FSTL4: variants seen among roughly 807,000 people sequenced by gnomAD.
FSTL4 encodes follistatin-related protein 4.
A neutral mutation model predicts 78.2 loss-of-function variants in FSTL4; 28 were observed. That is an observed-to-expected ratio of 0.36 (90% CI 0.27 to 0.49). FSTL4 has a LOEUF of 0.49. Among genes scored for constraint, FSTL4 ranks in the 20% least tolerant of loss-of-function variants. The pLI, the probability that FSTL4 is intolerant of heterozygous loss-of-function variation, is 0.98. For missense variants in FSTL4, 922 were observed against 1,084.9 expected (o/e 0.85, Z 2.11); for synonymous variants, 422 against 440.5 (o/e 0.96, Z 0.53).
the FSTL4 span, among the ~76,000 whole-genome samples, chr5:133,676,704 T>C: frequency 1.3e-5 from 2 of 152,260 alleles, no homozygotes; most frequent in Non-Finnish European, 2.9e-5. Context: ...ATTGCTCTTT[T>C]GGCCTTCTTA....
In FSTL4 at chr5:133,516,935, T is replaced by C. The variant is rs112066106; in HGVS notation, c.160+50251A>G. 3.9e-3 allele frequency among the ~76,000 whole-genome samples: 590 copies of C among 152,254 alleles called. 1 individual carries two copies. Among genetic ancestry groups the C allele is most frequent in the South Asian group, 7.9e-3 (38 of 4,824 alleles). On this transcript the variant is annotated intron_variant, in intron 3 of 15. Transcript: ENST00000265342. ...TAATTAAATCAAATCTCTGCCTCTC[T>C]GCCTTGAGGCTGGGCTCCTATAATC...
chr5:133,681,383 T>C, the FSTL4 span, among the ~76,000 whole-genome samples: 1 of 152,230 alleles, frequency 6.6e-6, no homozygotes, highest in Admixed American at 6.5e-5. Flanking sequence ...ACAGCCCTTC[T>C]TCACTCCAAC....
At chr5:133,325,765 G>A (rs1754195502) in intron 4 of FSTL4, among the ~76,000 whole-genome samples, 1 of 148,462 alleles carries the variant, frequency 6.7e-6, no homozygotes, top group African/African-American at 2.5e-5. Flanking sequence ...GGTGGCTAGA[G>A]CTCAGATCCC....
chr5:133,461,242 G>A (rs1757586066), intron 3 of FSTL4, among the ~76,000 whole-genome samples: 1 of 152,120 alleles, frequency 6.6e-6, no homozygotes, highest in Admixed American at 6.5e-5. Context: ...ACCCTAACTA[G>A]CATGGGTTTC....
chr5:133,300,557 G>A lies in FSTL4; in HGVS notation c.727+12097C>T, dbSNP rs547110834. Among the ~76,000 whole-genome samples, 6 of 152,290 alleles carry A rather than the reference G, an allele frequency of 3.9e-5. No homozygotes were observed. In the East Asian group the frequency reaches 5.8e-4, roughly 15 times the overall value. On this transcript the variant is annotated intron_variant, in intron 6 of 15. Transcript: ENST00000265342. ...CCTGGGGCTTCCTGCGAGCTCCTCC[G>A]AAGGCTGTCAGCCTTCACCAAGGTG...
At chr5:133,549,528 T>C (rs899364978) in intron 3 of FSTL4, among the ~76,000 whole-genome samples, 1 of 152,230 alleles carries the variant, frequency 6.6e-6, no homozygotes, top group Non-Finnish European at 1.5e-5. Flanking sequence ...AATTCTATTA[T>C]CTGGTCTTCA....
intron 6 of FSTL4, among the ~76,000 whole-genome samples, chr5:133,259,188 G>T (rs1481809045): frequency 6.8e-6 from 1 of 147,462 alleles, no homozygotes; most frequent in Non-Finnish European, 1.5e-5. Context: ...TGTGGGGGGT[G>T]GGTGCTGGTG....
chr5:133,276,189 T>C (rs1752878759), intron 6 of FSTL4, among the ~76,000 whole-genome samples: 1 of 152,214 alleles, frequency 6.6e-6, no homozygotes. Context: ...GAAATACATC[T>C]CTTGTCCCCC....
At chr5:133,411,552 TAAAG>T (rs1277420463) in intron 3 of FSTL4, among the ~76,000 whole-genome samples, 2 of 151,968 alleles carry the variant, frequency 1.3e-5, no homozygotes, top group Non-Finnish European at 2.9e-5. Flanking sequence ...AAAATAGAAA[TAAAG>T]AAAGTCTTAA....
chr5:133,297,418 T>C (rs572841732), intron 6 of FSTL4, among the ~76,000 whole-genome samples: 30 of 152,274 alleles, frequency 2.0e-4, no homozygotes, highest in African/African-American at 7.2e-4. Flanking sequence ...TCAGATGTGC[T>C]GATGGAGTGC....
At chr5:133,668,681 C>T in the FSTL4 span, among the ~76,000 whole-genome samples, 125 of 152,230 alleles carry the variant, frequency 8.2e-4, 1 homozygote, top group Non-Finnish European at 1.4e-3. Context: ...GACATTTGGG[C>T]CCCTTTTGGA....
At chr5:133,609,877 T>C (rs1460467095) in intron 1 of FSTL4, among the ~76,000 whole-genome samples, 3 of 152,238 alleles carry the variant, frequency 2.0e-5, no homozygotes, top group East Asian at 1.9e-4. Flanking sequence ...CCTTATGTTA[T>C]GCATTGAGAC....
chr5:133,819,587 C>T, the FSTL4 span, among the ~76,000 whole-genome samples: 8 of 152,174 alleles, frequency 5.3e-5, no homozygotes. Flanking sequence ...CTCATAGCAC[C>T]GTTGGAGGCG....
At chr5:133,492,715 TA>T (rs1758290755) in intron 3 of FSTL4, among the ~76,000 whole-genome samples, 2 of 152,236 alleles carry the variant, frequency 1.3e-5, no homozygotes, top group South Asian at 2.1e-4. Context: ...TTTATATCTT[TA>T]AAAAAATTTT....
intron 8 of FSTL4, among the ~76,000 whole-genome samples, chr5:133,228,353 A>G (rs1751395449): frequency 6.6e-6 from 1 of 152,206 alleles, no homozygotes; most frequent in African/African-American, 2.4e-5. Flanking sequence ...TTTATCAGAC[A>G]ATTCCTTCAT....
At chr5:133,713,778 C>T in the FSTL4 span, among the ~76,000 whole-genome samples, 1 of 152,172 alleles carries the variant, frequency 6.6e-6, no homozygotes, top group Admixed American at 6.6e-5. Flanking sequence ...GAGAAACAAC[C>T]AGACTAGAAG....
chr5:133,326,910 G>A (rs1428243843), intron 4 of FSTL4, among the ~76,000 whole-genome samples: 1 of 152,250 alleles, frequency 6.6e-6, no homozygotes, highest in Non-Finnish European at 1.5e-5. Flanking sequence ...ATGGCCTGGA[G>A]GAACTCAGCC....
chr5:133,817,200 A>G, the FSTL4 span, among the ~76,000 whole-genome samples: 2 of 152,244 alleles, frequency 1.3e-5, no homozygotes, highest in Non-Finnish European at 1.5e-5. Context: ...TGAGTCTATT[A>G]TCGTCCCCAT....
rs907175787 is a variant in FSTL4 at position 133,440,137 on chromosome 5, G to A, written c.161-39151C>T. ...GGAAGAATGGCAGGTCCAGCTGGGC[G>A]AGTAGTACAGGAGAGAGCTCTGGAA... is the stretch of plus-strand genomic sequence containing the variant. On this transcript the variant is annotated intron_variant, in intron 3 of 15. Coordinates refer to ENST00000265342, the MANE Select transcript of FSTL4 (RefSeq NM_015082.2). The surrounding 1 kb of genome is among the most constrained non-coding windows in gnomAD (Gnocchi z 4.1). Among the ~76,000 whole-genome samples, 4 of 152,106 alleles carry A rather than the reference G, an allele frequency of 2.6e-5. No individual in the cohort carries two copies. Among genetic ancestry groups the A allele is most frequent in the African/African-American group, 9.7e-5 (4 of 41,418 alleles).
Sources: gnomAD v4.1 joint callset for allele counts (sites outside exome capture counted in the v4.1 genomes callset) on GRCh38, gnomAD v4.1.1 for gene constraint, Gnocchi (gnomAD v3.1) non-coding constraint, MANE v1.5 for transcripts, NCBI Gene and HGNC (gene_info 2026-07-23, HGNC 2026-07-21) for gene names.